Variants in WASF3 observed in about 807,000 individuals in gnomAD.
The protein encoded by WASF3 is actin-binding protein WASF3.
Under a neutral mutation model 46.6 loss-of-function variants are expected in WASF3, and 11 were observed. That is an observed-to-expected ratio of 0.24 (90% confidence interval 0.15 to 0.39). WASF3 has a LOEUF of 0.39. Among genes scored for constraint, WASF3 ranks in the 10% least tolerant of loss-of-function variants. WASF3 has a pLI of 1.00. For missense variants in WASF3, 576 were observed against 669.8 expected (o/e 0.86, Z 1.55); for synonymous variants, 242 against 259.7 (o/e 0.93, Z 0.65).
upstream of WASF3, among the ~76,000 whole-genome samples, chr13:26,554,084 C>T (rs56040276): frequency 0.045 from 1,570 of 35,066 alleles, 16 homozygotes; most frequent in East Asian, 0.081. Flanking sequence ...TCCTTCCTTC[C>T]TTCCTTCCTT....
intron 1 of WASF3, among the ~76,000 whole-genome samples, chr13:26,599,343 C>G (rs539017145): frequency 3.9e-5 from 6 of 152,008 alleles, no homozygotes; most frequent in Admixed American, 3.3e-4. Context: ...CCACCAAGCC[C>G]GGCTAATTTT....
At chr13:26,553,679 T>TGGG (rs1046996890), upstream of WASF3, among the ~76,000 whole-genome samples, 13 of 151,846 alleles carry the variant, frequency 8.6e-5, no homozygotes, top group Non-Finnish European at 1.5e-4. Context: ...TAGCCAGTTG[T>TGGG]GGTGGCGGGC....
intron 3 of WASF3, among the ~76,000 whole-genome samples, chr13:26,646,458 A>G (rs1012888711): frequency 6.6e-6 from 1 of 152,128 alleles, no homozygotes; most frequent in African/African-American, 2.4e-5. Context: ...TTACCCGGCC[A>G]TTATTCAGTG....
chr13:26,551,137 G>A, the WASF3 span, among the ~76,000 whole-genome samples: 2 of 152,242 alleles, frequency 1.3e-5, no homozygotes, highest in Admixed American at 6.5e-5. Context: ...TCTCTCTACT[G>A]CTCTGCCATG....
At chr13:26,665,970 G>T (rs575137273) in intron 4 of WASF3, among the ~76,000 whole-genome samples, 1 of 152,038 alleles carries the variant, frequency 6.6e-6, no homozygotes, top group African/African-American at 2.4e-5. Flanking sequence ...CCTAGTGTCT[G>T]ATTTTTGTGC....
intron 1 of WASF3, among the ~76,000 whole-genome samples, chr13:26,611,625 T>TA (rs958046466): frequency 1.2e-4 from 19 of 152,286 alleles, no homozygotes; most frequent in South Asian, 4.1e-4. Context: ...TAGGCCTGGG[T>TA]AATCTAAACC....
chr13:26,635,449 G>C (rs1881789042), intron 2 of WASF3, among the ~76,000 whole-genome samples: 1 of 152,126 alleles, frequency 6.6e-6, no homozygotes, highest in South Asian at 2.1e-4. Context: ...CTTTAGCTCG[G>C]AGAAGTTTGT....
At chr13:26,611,836 A>AT (rs35868642) in intron 1 of WASF3, among the ~76,000 whole-genome samples, 45,709 of 147,824 alleles carry the variant, frequency 0.31, 7,166 homozygotes, top group East Asian at 0.57. Context: ...TGATCATTCT[A>AT]TTTTTTTTTT....
At chr13:26,582,676 C>CAAAAAAAAAA in intron 1 of WASF3, among the ~76,000 whole-genome samples, 1 of 53,400 alleles carries the variant, frequency 1.9e-5, no homozygotes, top group Non-Finnish European at 3.1e-5. Context: ...GACTCCGTCT[C>CAAAAAAAAAA]AAAAAAAAAA....
intron 2 of WASF3, among the ~76,000 whole-genome samples, chr13:26,616,456 A>G (rs1263636347): frequency 6.6e-6 from 1 of 152,172 alleles, no homozygotes; most frequent in East Asian, 1.9e-4. Flanking sequence ...GAAATTGGGT[A>G]CTTTATTATA....
At chr13:26,554,011 TCCTTC>T (rs1318517089), upstream of WASF3, among the ~76,000 whole-genome samples, 2 of 112,912 alleles carry the variant, frequency 1.8e-5, no homozygotes, top group Non-Finnish European at 3.9e-5. Flanking sequence ...TCCTTTCCTT[TCCTTC>T]CCTTCCTTCC....
chr13:26,542,112 A>G, the WASF3 span, among the ~76,000 whole-genome samples: 15,691 of 152,268 alleles, frequency 0.1, 1,097 homozygotes, highest in South Asian at 0.21. Context: ...GCACCTGCAG[A>G]TTGCTGAGAT....
At chr13:26,636,311 AC>A (rs1415736732) in intron 2 of WASF3, among the ~76,000 whole-genome samples, 1 of 152,204 alleles carries the variant, frequency 6.6e-6, no homozygotes, top group Non-Finnish European at 1.5e-5. Flanking sequence ...TGTGGTACCC[AC>A]CGAGCCAGGC....
intron 1 of WASF3, among the ~76,000 whole-genome samples, chr13:26,558,182 C>T (rs1477031109): frequency 6.6e-6 from 1 of 151,804 alleles, no homozygotes; most frequent in African/African-American, 2.4e-5. Context: ...GGCGCCCGGG[C>T]CTCCGCTCGC....
At chr13:26,649,043 G>T (rs1882234302) in intron 3 of WASF3, among the ~76,000 whole-genome samples, 1 of 152,174 alleles carries the variant, frequency 6.6e-6, no homozygotes, top group Non-Finnish European at 1.5e-5. Context: ...TAGAGAGTCA[G>T]CCAAATCTGA....
At chr13:26,539,337 G>A in the WASF3 span, among the ~76,000 whole-genome samples, 13 of 152,210 alleles carry the variant, frequency 8.5e-5, no homozygotes, top group South Asian at 2.1e-4. Flanking sequence ...TGCAGGATCC[G>A]GTGGAAAAAT....
At chr13:26,642,068 A>G (rs1011635269) in intron 2 of WASF3, 193 bp from the exon 3 acceptor site, 2 of 455,858 alleles carry the variant, frequency 4.4e-6, no homozygotes, top group African/African-American at 2.0e-5. Context: ...AGATTATACT[A>G]TACATGTACC....
chr13:26,677,420 T>G (rs533338819), intron 7 of WASF3, among the ~76,000 whole-genome samples: 2 of 152,232 alleles, frequency 1.3e-5, no homozygotes, highest in Admixed American at 6.5e-5. Context: ...GTTGTAGTCT[T>G]CCATTTGCAT....
chr13:26,658,635 A>T (rs184679635), intron 3 of WASF3, among the ~76,000 whole-genome samples: 1 of 152,362 alleles, frequency 6.6e-6, no homozygotes, highest in East Asian at 1.9e-4. Flanking sequence ...TGTTAACAAG[A>T]AACACTGGCA....
Sources: gnomAD v4.1 joint callset for allele counts (sites outside exome capture counted in the v4.1 genomes callset) on GRCh38, gnomAD v4.1.1 for gene constraint, MANE v1.5 for transcripts, NCBI Gene and HGNC (gene_info 2026-07-23, HGNC 2026-07-21) for gene names.